Variants in IFT27 observed in about 807,000 individuals in gnomAD.
IFT27 encodes intraflagellar transport protein 27 homolog.
IFT27 carries 19 observed loss-of-function variants against 23.9 expected under a neutral mutation model. That is an observed-to-expected ratio of 0.79 (90% CI 0.55 to 1.16). IFT27 has a LOEUF of 1.16. IFT27 is among the 50% of genes most tolerant of loss of function. IFT27 has a pLI of 0.00. For synonymous variants in IFT27, 91 were observed against 89.1 expected (o/e 1.02, Z -0.12); for missense variants, 206 against 228.7 (o/e 0.90, Z 0.64).
At chr22:36,763,148 C>A (rs1047657997) in intron 5 of IFT27, 135 bp from the exon 6 acceptor site, 2 of 546,418 alleles carry the variant, frequency 3.7e-6, no homozygotes, top group Non-Finnish European at 6.2e-6. Flanking sequence ...GGTGAGCCCC[C>A]CCACAGGGAA....
chr22:36,767,748 A>G (rs1178354974), intron 2 of IFT27, 35 bp downstream of exon 2: 9 of 1,570,668 alleles, frequency 5.7e-6, no homozygotes, highest in East Asian at 2.2e-5. Context: ...GCACTTCTCT[A>G]TAAGCTGTGG....
At chr22:36,763,830 C>A (rs774590950) in intron 5 of IFT27, 89 bp downstream of exon 5, 36 of 969,838 alleles carry the variant, frequency 3.7e-5, no homozygotes, top group African/African-American at 2.7e-4. Flanking sequence ...GGCCCCTTCT[C>A]CACCCACAGC....
rs757774027 is a variant in IFT27, at chr22:36,773,243, C to T, written c.34+2431G>A. ...GCATGGTGGTGTGTGCCTGTATCCC[C>T]GGCTGCTCGGGAGGCTGAGGCAGGG... On this transcript the variant is annotated intron_variant, in intron 1 of 6. Coordinates refer to ENST00000433985, the MANE Select transcript of IFT27 (RefSeq NM_001177701.3). 1.1e-4 allele frequency among the ~76,000 whole-genome samples: 17 copies of T among 152,038 alleles called. 1 individual carries two copies. Among genetic ancestry groups the T allele is most frequent in the Non-Finnish European group, 2.9e-5 (2 of 68,006 alleles).
Position 36,776,080 on chromosome 22 carries a change from C to G in IFT27, c.-373G>C. ...CCGGCTCTCCTCCGATCACAAGTAC[C>G]GGGCCGGATGCACTCTCCAAGCAAC... On this transcript the variant is annotated 5_prime_UTR_variant, in exon 1 of 7. Transcript: ENST00000433985. The G allele has an allele frequency of 3.3e-6, 1 of 302,898 alleles. No individual in the cohort carries two copies. The highest frequency in any genetic ancestry group is 6.4e-6 in the Non-Finnish European group (1 of 156,778). The allele number at this position is 302,898 out of a possible 1,614,324, so 18.8% of individuals were successfully genotyped here.
In IFT27 at chr22:36,775,817, G is replaced by T; in HGVS notation, c.-110C>A. The T allele has an allele frequency of 1.8e-6, 2 of 1,108,288 alleles. No homozygotes were observed. The highest frequency in any genetic ancestry group is 2.8e-6 in the Non-Finnish European group (2 of 726,392). 68.7% of individuals were successfully genotyped at this position (1,108,288 alleles called of 1,614,324 possible). ...GGCCTGGGACGGGAAGGTGGGGAGG[G>T]GAGGGCTGATCTCAAGGGTCAGTGG... On this transcript the variant is annotated 5_prime_UTR_variant, in exon 1 of 7. Transcript: ENST00000433985.
Position 36,767,369 on chromosome 22 carries a change from C to T in IFT27, c.115-4G>A, listed in dbSNP as rs780858842. Reference sequence around the variant, plus strand: ...CCACCAAATCCATTCCTGTTGTCTGCCGAGGAACACCAAGAATGTTAGCAC... The same window carrying T: ...CCACCAAATCCATTCCTGTTGTCTGTCGAGGAACACCAAGAATGTTAGCAC... On this transcript the variant is annotated splice_polypyrimidine_tract_variant and splice_region_variant and intron_variant, in intron 2 of 6. Coordinates refer to ENST00000433985, the MANE Select transcript of IFT27 (RefSeq NM_001177701.3). The T allele has an allele frequency of 3.1e-6, 5 of 1,610,878 alleles. No individual in the cohort carries two copies. The Admixed American group carries it at 6.7e-5, about 22-fold the overall frequency.
At chr22:36,772,977 G>A (rs1392678060) in intron 1 of IFT27, among the ~76,000 whole-genome samples, 1 of 152,218 alleles carries the variant, frequency 6.6e-6, no homozygotes, top group African/African-American at 2.4e-5. Flanking sequence ...TGCAGATTGA[G>A]GCGCAGGCTG....
Position 36,762,940 on chromosome 22 carries a change from C to G in IFT27, c.426G>C (p.Ala142=). ...CAAAACATTCCAGGCCCTGGCCCAGCGCCCATGCCCGGGCCTCAGCTGAGT... is the reference window on the plus strand; with the variant it reads ...CAAAACATTCCAGGCCCTGGCCCAGGGCCCATGCCCGGGCCTCAGCTGAGT... ...AVDSAEARAW[A]LGQGLECFET... The change falls in exon 6 of 7, where the codon GCG becomes GCC. Residue 142 remains alanine, a synonymous_variant. Coordinates refer to ENST00000433985, the MANE Select transcript of IFT27 (RefSeq NM_001177701.3). 2.5e-6 allele frequency: 4 copies of G among 1,594,154 alleles called. No homozygotes were observed. Among genetic ancestry groups the G allele is most frequent in the East Asian group, 2.3e-5 (1 of 44,078 alleles).
rs1199694300 is a variant in IFT27 at position 36,763,013 on chromosome 22, C to T, written c.353G>A (p.Gly118Asp). The change falls in exon 6 of 7, where the codon GGT becomes GAT. Residue 118 changes from glycine to aspartate, a missense_variant and splice_region_variant. Transcript: ENST00000433985. ...RSQAPGISLPGVLVGNKTDLA... is the reference protein window; with the variant it reads ...RSQAPGISLPDVLVGNKTDLA... ...GTCTGTCTTGTTCCCAACTAAAACACCTACTCAGAAGAAACAACCAAAATA... is the reference window on the plus strand; with the variant it reads ...GTCTGTCTTGTTCCCAACTAAAACATCTACTCAGAAGAAACAACCAAAATA... 4 of 1,592,876 alleles carry T rather than the reference C, an allele frequency of 2.5e-6. No homozygotes were observed. The highest frequency in any genetic ancestry group is 2.7e-5 in the African/African-American group (2 of 74,350).
At chr22:36,767,961 G>A (rs565374591) in intron 1 of IFT27, 99 bp from the exon 2 acceptor site, 3 of 1,069,256 alleles carry the variant, frequency 2.8e-6, no homozygotes, top group South Asian at 2.5e-5. Flanking sequence ...AAACTTCAAT[G>A]AGTTTTGAGA....
chr22:36,773,017 C>T (rs1362460925), intron 1 of IFT27, among the ~76,000 whole-genome samples: 1 of 152,158 alleles, frequency 6.6e-6, no homozygotes, highest in African/African-American at 2.4e-5. Context: ...TAGGCAGTGG[C>T]TGCACTCAGG....
chr22:36,775,970 A>G lies in IFT27; in HGVS notation c.-263T>C, dbSNP rs1938492528. ...CTCGAGGCCTGACACGGCAGTCTGA[A>G]AAGGTGCAAGCGAGCGGACACGGCC... On this transcript the variant is annotated 5_prime_UTR_variant, in exon 1 of 7. Coordinates refer to ENST00000433985, the MANE Select transcript of IFT27 (RefSeq NM_001177701.3). 1 of 584,818 alleles carries G rather than the reference A, an allele frequency of 1.7e-6. No individual in the cohort carries two copies. Among genetic ancestry groups the G allele is most frequent in the South Asian group, 2.0e-5 (1 of 50,354 alleles). 36.2% of individuals were successfully genotyped at this position (584,818 alleles called of 1,614,324 possible). A position where few individuals can be genotyped will look rare whatever the true frequency, so the allele number is the denominator to read the frequency against.
Position 36,763,977 on chromosome 22 carries a change from G to A in IFT27, c.294C>T (p.Asn98=). The A allele has an allele frequency of 6.2e-7, 1 of 1,614,232 alleles. No individual in the cohort carries two copies. The highest frequency in any genetic ancestry group is 8.5e-7 in the Non-Finnish European group (1 of 1,180,026). Residue 98 remains asparagine (N), a synonymous_variant, in exon 5 of 7, where the codon AAC becomes AAT. Transcript: ENST00000433985. ...VYDVTNEESF[N]NCSKWLEKAR... ...CCTTCTCCAGCCACTTGCTGCAGTT[G>A]TTGAAGGATTCTTCATTGGTCACAT...
chr22:36,766,531 C>T (rs1008300564), intron 3 of IFT27: 38 of 334,006 alleles, frequency 1.1e-4, no homozygotes, highest in African/African-American at 7.2e-4. Flanking sequence ...GGTGAGTGCT[C>T]TGGTTTCCAA....
chr22:36,769,633 A>T (rs1337617061), intron 1 of IFT27, among the ~76,000 whole-genome samples: 2 of 152,110 alleles, frequency 1.3e-5, no homozygotes. Flanking sequence ...GGGATTACAG[A>T]AGTGAGTTCT....
At chr22:36,769,310 C>T (rs983649165) in intron 1 of IFT27, among the ~76,000 whole-genome samples, 1 of 152,094 alleles carries the variant, frequency 6.6e-6, no homozygotes, top group Non-Finnish European at 1.5e-5. Flanking sequence ...ATTCCAACCT[C>T]ACGCTCTTCC....
chr22:36,769,428 C>T (rs941776670), intron 1 of IFT27, among the ~76,000 whole-genome samples: 3 of 152,176 alleles, frequency 2.0e-5, no homozygotes, highest in African/African-American at 4.8e-5. Flanking sequence ...GATCTAGGCT[C>T]GCTGCAACCT....
At chr22:36,767,662 C>G in intron 2 of IFT27, 121 bp downstream of exon 2, 1 of 934,450 alleles carries the variant, frequency 1.1e-6, no homozygotes, top group Non-Finnish European at 1.7e-6. Context: ...TCCACGTGGC[C>G]CTCTGAGCAG....
intron 5 of IFT27, chr22:36,763,604 A>C (rs2145916145): frequency 2.2e-6 from 1 of 455,362 alleles, no homozygotes; most frequent in East Asian, 4.6e-5. Flanking sequence ...ATACAAGAGA[A>C]AATTAGGAAC....
Sources: gnomAD v4.1 joint callset for allele counts (sites outside exome capture counted in the v4.1 genomes callset) on GRCh38, gnomAD v4.1.1 for gene constraint, MANE v1.5 for transcripts, NCBI Gene and HGNC (gene_info 2026-07-23, HGNC 2026-07-21) for gene names.